The following PAPPA2 variants were observed in gnomAD, a reference collection of about 807,000 sequenced individuals.
PAPPA2 encodes the protein pappalysin 2.
PAPPA2 carries 86 observed loss-of-function variants against 176.4 expected under a neutral mutation model. The observed-to-expected ratio is 0.49, with a 90% CI of 0.41 to 0.58. The LOEUF (loss-of-function observed/expected upper bound fraction) is 0.58, where lower values mean the gene tolerates loss of function less well. Among genes scored for constraint, PAPPA2 ranks in the 20% least tolerant of loss-of-function variants. The probability of loss-of-function intolerance (pLI) is 0.00; values close to 1 mark genes in which losing one functional copy is unlikely to be tolerated. For synonymous variants in PAPPA2, 809 were observed against 852.2 expected (o/e 0.95, Z 0.88); for missense variants, 2,073 against 2,256.9 (o/e 0.92, Z 1.65).
chr1:176,520,471 C>A (rs749486900), intron 1 of PAPPA2, among the ~76,000 whole-genome samples: 3 of 152,170 alleles, frequency 2.0e-5, no homozygotes, highest in Non-Finnish European at 4.4e-5. Context: ...TGGGGAACTT[C>A]CAGTGATACA....
chr1:176,744,709 GT>G (rs898431600), intron 14 of PAPPA2, among the ~76,000 whole-genome samples: 1 of 152,060 alleles, frequency 6.6e-6, no homozygotes, highest in Non-Finnish European at 1.5e-5. Context: ...AGAATGATCT[GT>G]TTTTTTCTTT....
intron 7 of PAPPA2, 113 bp from the exon 8 acceptor site, chr1:176,698,987 A>G: frequency 7.4e-7 from 1 of 1,357,618 alleles, no homozygotes; most frequent in Non-Finnish European, 1.0e-6. Context: ...ACCAACTTCT[A>G]CAGGAATTCT....
intron 1 of PAPPA2, among the ~76,000 whole-genome samples, chr1:176,468,076 A>G (rs1651708351): frequency 6.6e-6 from 1 of 152,214 alleles, no homozygotes; most frequent in African/African-American, 2.4e-5. Context: ...GCACTATTTC[A>G]AAACTCCATT....
chr1:176,554,650 C>G (rs1011186221), intron 1 of PAPPA2, among the ~76,000 whole-genome samples: 28 of 152,234 alleles, frequency 1.8e-4, no homozygotes, highest in African/African-American at 6.5e-4. Context: ...TTTTGAACAT[C>G]TCATTGTTTA....
chr1:176,611,535 G>C (rs1654923676), intron 3 of PAPPA2, among the ~76,000 whole-genome samples: 1 of 152,090 alleles, frequency 6.6e-6, no homozygotes, highest in African/African-American at 2.4e-5. Flanking sequence ...CCCTAATTCT[G>C]TCATATTTGT....
At chr1:176,670,012 C>T (rs1296224805) in intron 3 of PAPPA2, among the ~76,000 whole-genome samples, 1 of 151,976 alleles carries the variant, frequency 6.6e-6, no homozygotes, top group Non-Finnish European at 1.5e-5. Context: ...ATTCCTATCT[C>T]TGGAATGGCA....
intron 3 of PAPPA2, among the ~76,000 whole-genome samples, chr1:176,608,896 C>T (rs1356337271): frequency 6.6e-6 from 1 of 152,118 alleles, no homozygotes; most frequent in Non-Finnish European, 1.5e-5. Flanking sequence ...ATATTATTCA[C>T]CGGTTTTAGT....
chr1:176,537,387 A>G (rs1650122138), intron 1 of PAPPA2: 1 of 152,224 alleles, frequency 6.6e-6, no homozygotes, highest in African/African-American at 2.4e-5. Context: ...ACCATCTTGC[A>G]ACTCTGTATC....
intron 2 of PAPPA2, among the ~76,000 whole-genome samples, chr1:176,564,553 C>T (rs1025681635): frequency 6.6e-6 from 1 of 152,172 alleles, no homozygotes; most frequent in Admixed American, 6.5e-5. Context: ...TCTAGTTTCA[C>T]GCTATGCAAA....
intron 14 of PAPPA2, among the ~76,000 whole-genome samples, chr1:176,745,098 T>C (rs973932947): frequency 6.6e-6 from 1 of 152,204 alleles, no homozygotes; most frequent in African/African-American, 2.4e-5. Flanking sequence ...TTGTTGCCTC[T>C]TGGTTCCAAA....
chr1:176,676,931 T>A (rs1001928147), intron 4 of PAPPA2, among the ~76,000 whole-genome samples: 1 of 152,130 alleles, frequency 6.6e-6, no homozygotes, highest in Non-Finnish European at 1.5e-5. Context: ...AATCACTGAC[T>A]TATAATGGAA....
chr1:176,817,079 T>G (rs1286710525), intron 21 of PAPPA2, among the ~76,000 whole-genome samples: 1 of 152,080 alleles, frequency 6.6e-6, no homozygotes, highest in African/African-American at 2.4e-5. Context: ...AGAGGTATGT[T>G]CTAAGCGCTA....
chr1:176,594,338 G>C (rs79098465), intron 2 of PAPPA2, among the ~76,000 whole-genome samples, 186 bp from the exon 3 acceptor site: 1 of 152,244 alleles, frequency 6.6e-6, no homozygotes, highest in African/African-American at 2.4e-5. Context: ...TTTGGGGATA[G>C]GATATGCCAG....
rs542474494 is a variant in PAPPA2 at position 176,580,199 on chromosome 1, T to C, written c.920-14325T>C. Among the ~76,000 whole-genome samples, 17 of 152,210 alleles carry C rather than the reference T, an allele frequency of 1.1e-4. 1 individual carries two copies. The highest frequency in any genetic ancestry group is 2.5e-4 in the Non-Finnish European group (17 of 68,036). On this transcript the variant is annotated intron_variant, in intron 2 of 22. Transcript: ENST00000367662. ...TTCCAAGCCTCTAAAACCTCTGTCC[T>C]ACCTTTTACTTCTAAGAGATCAACT... is the stretch of plus-strand genomic sequence containing the variant.
At chr1:176,604,988 C>T (rs1305979527) in intron 3 of PAPPA2, among the ~76,000 whole-genome samples, 1 of 152,020 alleles carries the variant, frequency 6.6e-6, no homozygotes, top group Non-Finnish European at 1.5e-5. Context: ...CCATTTAGAT[C>T]TAGTAAGTAA....
At chr1:176,652,672 G>T (rs1249633310) in intron 3 of PAPPA2, among the ~76,000 whole-genome samples, 2 of 151,694 alleles carry the variant, frequency 1.3e-5, no homozygotes, top group Admixed American at 1.3e-4. Flanking sequence ...TGTTCTCAGG[G>T]ATGTTTCTCC....
intron 17 of PAPPA2, among the ~76,000 whole-genome samples, chr1:176,773,421 G>A (rs984299832): frequency 6.6e-6 from 1 of 152,148 alleles, no homozygotes; most frequent in Non-Finnish European, 1.5e-5. Flanking sequence ...CAAGCACAAA[G>A]AGAAGAAATT....
intron 1 of PAPPA2, among the ~76,000 whole-genome samples, chr1:176,503,210 G>A (rs1442267575): frequency 1.3e-5 from 2 of 152,022 alleles, no homozygotes; most frequent in African/African-American, 2.4e-5. Context: ...CATCATCAAA[G>A]CCCATGGTGA....
intron 1 of PAPPA2, among the ~76,000 whole-genome samples, chr1:176,541,601 T>C (rs367980613): frequency 7.2e-5 from 11 of 152,338 alleles, no homozygotes; most frequent in African/African-American, 2.6e-4. Context: ...GCTTGACTCT[T>C]GAATGCCATG....
Sources: allele counts gnomAD v4.1 joint callset (sites outside exome capture counted in the v4.1 genomes callset), GRCh38; gene constraint gnomAD v4.1.1; transcripts MANE v1.5; gene names NCBI Gene and HGNC (gene_info 2026-07-23, HGNC 2026-07-21).